The following EMSY variants were observed in gnomAD, a reference collection of about 807,000 sequenced individuals.
EMSY encodes EMSY transcriptional repressor, BRCA2 interacting.
In EMSY, 26 loss-of-function variants were observed where a neutral mutation model predicts 134.6. The observed-to-expected ratio is 0.19, with a 90% CI of 0.14 to 0.27. The LOEUF is 0.27. EMSY is among the 10% of genes least tolerant of loss of function. EMSY has a pLI of 1.00. For missense variants in EMSY, 1,305 were observed against 1,611.4 expected (o/e 0.81, Z 3.26); for synonymous variants, 579 against 577.8 (o/e 1.00, Z -0.03).
chr11:76,505,674 G>A (rs993712069), intron 9 of EMSY, among the ~76,000 whole-genome samples: 3 of 151,456 alleles, frequency 2.0e-5, no homozygotes, highest in Admixed American at 6.6e-5. Flanking sequence ...TGGCTAACAC[G>A]GTGAAACCCC....
At chr11:76,514,902 T>C (rs1950395868) in intron 10 of EMSY, among the ~76,000 whole-genome samples, 1 of 152,192 alleles carries the variant, frequency 6.6e-6, no homozygotes, top group Non-Finnish European at 1.5e-5. Flanking sequence ...ATATGATTCT[T>C]CATGTTATGG....
At chr11:76,455,293 T>C (rs1409379842) in intron 4 of EMSY, among the ~76,000 whole-genome samples, 2 of 152,176 alleles carry the variant, frequency 1.3e-5, no homozygotes, top group African/African-American at 4.8e-5. Context: ...CTTAGGTTTT[T>C]CTATATTCTT....
intron 9 of EMSY, among the ~76,000 whole-genome samples, chr11:76,508,282 C>CCATCAGAG (rs1452997910): frequency 6.6e-6 from 1 of 152,068 alleles, no homozygotes; most frequent in East Asian, 1.9e-4. Context: ...TTGTATATCT[C>CCATCAGAG]CATCAGAGCT....
At chr11:76,526,078 G>A (rs1233756705) in intron 12 of EMSY, among the ~76,000 whole-genome samples, 1 of 152,108 alleles carries the variant, frequency 6.6e-6, no homozygotes, top group Non-Finnish European at 1.5e-5. Flanking sequence ...AAATATGTAT[G>A]TGGGGGTTAA....
intron 2 of EMSY, among the ~76,000 whole-genome samples, chr11:76,448,178 G>A (rs1173888617): frequency 6.6e-6 from 1 of 152,086 alleles, no homozygotes; most frequent in Non-Finnish European, 1.5e-5. Flanking sequence ...ATTTTTCTTT[G>A]TAAATCAGAT....
chr11:76,446,733 A>G (rs1458659146), intron 1 of EMSY, among the ~76,000 whole-genome samples, 167 bp from the exon 2 acceptor site: 1 of 152,198 alleles, frequency 6.6e-6, no homozygotes, highest in Admixed American at 6.5e-5. Flanking sequence ...CAAATGACTT[A>G]ATTCTTGATT....
At chr11:76,547,568 A>T (rs1002211253) in intron 20 of EMSY, among the ~76,000 whole-genome samples, 5 of 152,196 alleles carry the variant, frequency 3.3e-5, no homozygotes, top group Non-Finnish European at 4.4e-5. Flanking sequence ...ATTTCTCATC[A>T]GTAAAATGGG....
intron 6 of EMSY, among the ~76,000 whole-genome samples, chr11:76,463,070 C>G (rs1948191481): frequency 6.6e-6 from 1 of 152,032 alleles, no homozygotes; most frequent in Non-Finnish European, 1.5e-5. Context: ...AATCCCAGCA[C>G]TTTGGGAGGC....
chr11:76,494,654 CCTTCCTTCCTTCCTTCCTT>C (rs1565314610), intron 8 of EMSY, among the ~76,000 whole-genome samples: 140 of 2,090 alleles, frequency 0.067, 1 homozygote, highest in Middle Eastern at 0.5. Context: ...CCTTTCCCTT[CCTTCCTTCCTTCCTTCCTT>C]CCTTCCTTCC....
intron 8 of EMSY, among the ~76,000 whole-genome samples, chr11:76,478,043 A>G (rs1948833536): frequency 6.6e-6 from 1 of 152,106 alleles, no homozygotes. Context: ...CGTTGTTTCC[A>G]CAAATACTCC....
At chr11:76,464,153 C>T (rs1427408177) in intron 7 of EMSY, 73 bp downstream of exon 8, 2 of 1,541,694 alleles carry the variant, frequency 1.3e-6, no homozygotes, top group Non-Finnish European at 1.8e-6. Context: ...AATAAACATG[C>T]ACTGAGTGCT....
At chr11:76,518,665 T>A (rs1950533905) in intron 11 of EMSY, among the ~76,000 whole-genome samples, 1 of 141,452 alleles carries the variant, frequency 7.1e-6, no homozygotes, top group Admixed American at 7.4e-5. Context: ...TTCGTTTGTA[T>A]AAAGTGTGTG....
chr11:76,545,669 A>C, intron 19 of EMSY, 128 bp from the exon 21 acceptor site: 3 of 1,181,590 alleles, frequency 2.5e-6, no homozygotes, highest in Non-Finnish European at 1.2e-6. Flanking sequence ...TTTTTAAAAC[A>C]GCAAGCTTCA....
At chr11:76,450,505 C>G (rs1378739374) in intron 2 of EMSY, among the ~76,000 whole-genome samples, 3 of 146,002 alleles carry the variant, frequency 2.1e-5, no homozygotes, top group African/African-American at 7.6e-5. Flanking sequence ...TTTTTTTTTC[C>G]TTCTGAGACA....
At chr11:76,460,486 T>G (rs1016603655) in intron 6 of EMSY, 2 of 154,512 alleles carry the variant, frequency 1.3e-5, no homozygotes, top group Non-Finnish European at 2.9e-5. Flanking sequence ...ATTATCCAGC[T>G]GTTATATTCA....
At chr11:76,523,222 T>C in exon 12 of EMSY, 1 of 1,613,776 alleles carries the variant, frequency 6.2e-7, no homozygotes, top group African/African-American at 1.3e-5. Flanking sequence ...TACAAAAGAC[T>C]ACAGGAAAAG....
chr11:76,524,482 A>G (rs1196893495), intron 12 of EMSY, among the ~76,000 whole-genome samples: 1 of 152,298 alleles, frequency 6.6e-6, no homozygotes, highest in South Asian at 2.1e-4. Context: ...GGGAAAACAG[A>G]TTGCTCCTAG....
intron 2 of EMSY, among the ~76,000 whole-genome samples, chr11:76,450,743 C>T (rs1291754546): frequency 2.0e-5 from 3 of 151,140 alleles, no homozygotes; most frequent in Non-Finnish European, 2.9e-5. Context: ...CCTCCTGCCT[C>T]GGCCTCCCAA....
At chr11:76,532,619 A>G (rs1951084501) in intron 14 of EMSY, among the ~76,000 whole-genome samples, 2 of 152,080 alleles carry the variant, frequency 1.3e-5, no homozygotes, top group Admixed American at 6.6e-5. Context: ...TTTTTTAAAC[A>G]CATATTAAAG....
Sources: gnomAD v4.1 joint callset for allele counts (sites outside exome capture counted in the v4.1 genomes callset) on GRCh38, gnomAD v4.1.1 for gene constraint, MANE v1.5 for transcripts, NCBI Gene and HGNC (gene_info 2026-07-23, HGNC 2026-07-21) for gene names.